Variants in DVL1 observed in about 807,000 individuals in gnomAD.
The protein encoded by DVL1 is dishevelled segment polarity protein 1, also known as segment polarity protein dishevelled homolog DVL-1.
A neutral mutation model predicts 65.0 loss-of-function variants in DVL1; 49 were observed. That is an observed-to-expected ratio of 0.75 (90% CI 0.60 to 0.96). The LOEUF is 0.96. Among genes scored for constraint, DVL1 ranks in the 40% least tolerant of loss-of-function variants. The probability of loss-of-function intolerance (pLI) is 0.00; values close to 1 mark genes in which losing one functional copy is unlikely to be tolerated. For missense variants in DVL1, 1,197 were observed against 1,045.4 expected (o/e 1.15, Z -2.00); for synonymous variants, 608 against 433.9 (o/e 1.40, Z -4.99).
In DVL1 at chr1:1,340,515, C is replaced by G. The variant is rs368317428; in HGVS notation, c.606-12G>C. 6.3e-7 allele frequency: 1 copy of G among 1,590,890 alleles called. No individual in the cohort carries two copies. Among genetic ancestry groups the G allele is most frequent in the African/African-American group, 1.3e-5 (1 of 74,816 alleles). Reference sequence around the variant, plus strand: ...TGGAGCTGCTGAGCCTGGGAACAGACTGTCAGAGCTCAGAGGAGCTGGAGA... The same window carrying G: ...TGGAGCTGCTGAGCCTGGGAACAGAGTGTCAGAGCTCAGAGGAGCTGGAGA... On this transcript the variant is annotated splice_polypyrimidine_tract_variant and intron_variant, in intron 5 of 14. Transcript: ENST00000378888.
In DVL1 at chr1:1,336,499, C is replaced by G; in HGVS notation, c.1731G>C (p.Gly577=). 1 of 1,523,788 alleles carries G rather than the reference C, an allele frequency of 6.6e-7. No homozygotes were observed. The highest frequency in any genetic ancestry group is 8.7e-7 in the Non-Finnish European group (1 of 1,145,070). The allele number at this position is 1,523,788 out of a possible 1,614,324, so 94.4% of individuals were successfully genotyped here. ...SQQSEGSKSS[G]STRSSRRAPG... ...GGGCCCGGCGGCTGCTCCGGGTGGA[C>G]CCACTGCTTTTGCTCCCTGGGAGTG... Residue 577 remains glycine (G), a synonymous_variant, in exon 15 of 15, where the codon GGG becomes GGC. Coordinates refer to ENST00000378888, the MANE Select transcript of DVL1 (RefSeq NM_001330311.2).
chr1:1,340,492 G>A lies in DVL1; in HGVS notation c.617C>T (p.Ser206Phe). ...EDGSTSRLSS[S>F]TEQSTSSRLI... is the part of the protein sequence containing the mutation. ...TCTGGATGAGGTGCTCTGCTCCGTGGAGCTGCTGAGCCTGGGAACAGACTG... is the reference window on the plus strand; with the variant it reads ...TCTGGATGAGGTGCTCTGCTCCGTGAAGCTGCTGAGCCTGGGAACAGACTG... Residue 206 changes from serine to phenylalanine, a missense_variant, in exon 6 of 15, where the codon TCC (serine) becomes TTC (phenylalanine). By Grantham distance (155) the Ser-to-Phe change is radical. Transcript: ENST00000378888. 6.2e-7 allele frequency: 1 copy of A among 1,605,036 alleles called. No individual in the cohort carries two copies. Among genetic ancestry groups the A allele is most frequent in the Non-Finnish European group, 8.5e-7 (1 of 1,176,164 alleles).
chr1:1,338,007 T>A lies in DVL1; in HGVS notation c.1684A>T (p.Ser562Cys), dbSNP rs2100714698. The change falls in exon 14 of 15, where the codon AGC (serine) becomes TGC (cysteine). Residue 562 changes from serine (S) to cysteine (C), a missense_variant. By Grantham distance (112) the Ser-to-Cys change is moderately radical. Coordinates refer to ENST00000378888, the MANE Select transcript of DVL1 (RefSeq NM_001330311.2). ...CTCTGCTGACTCCCGGTGCTGCCGC[T>A]GCCATAGCTAAAGCCCGGGTCCTGG... is the stretch of plus-strand genomic sequence containing the variant. The part of the protein sequence containing the change: ...AYQDPGFSYG[S>C]GSTGSQQSEG... 6.2e-7 allele frequency: 1 copy of A among 1,611,874 alleles called. No homozygotes were observed. Among genetic ancestry groups the A allele is most frequent in the Non-Finnish European group, 8.5e-7 (1 of 1,179,754 alleles).
At chr1:1,345,712 G>A (rs1042334054) in intron 1 of DVL1, among the ~76,000 whole-genome samples, 1 of 152,198 alleles carries the variant, frequency 6.6e-6, no homozygotes, top group African/African-American at 2.4e-5. Flanking sequence ...ACTCCCAGAG[G>A]CCACAGCCAG....
rs141682898 is a variant in DVL1 at position 1,341,687 on chromosome 1, G to A, written c.585C>T (p.Asp195=). ...ELESSSFVDS[D]EDGSTSRLSS... is the part of the protein sequence containing the mutation. ...CACACCTGCTCGTGCTGCCATCCTCGTCCGAGTCCACAAAGCTGCTGGACT... is the reference window on the plus strand; with the variant it reads ...CACACCTGCTCGTGCTGCCATCCTCATCCGAGTCCACAAAGCTGCTGGACT... Residue 195 remains aspartate, a synonymous_variant, in exon 5 of 15, where the codon GAC becomes GAT. Transcript: ENST00000378888. 2.5e-4 allele frequency: 404 copies of A among 1,608,772 alleles called. 2 individuals carry two copies. Among genetic ancestry groups the A allele is most frequent in the Middle Eastern group, 2.3e-3 (14 of 6,046 alleles).
rs753296052 is a variant in DVL1, at chr1:1,340,394, C to G, written c.699+16G>C. 8 of 1,612,134 alleles carry G rather than the reference C, an allele frequency of 5.0e-6. No homozygotes were observed. Among genetic ancestry groups the G allele is most frequent in the Middle Eastern group, 1.7e-4 (1 of 6,054 alleles). On this transcript the variant is annotated intron_variant, in intron 6 of 14. Transcript: ENST00000378888. ...TTCGCCTCCCCAGCCCCGCCCTGCT[C>G]CACCCGGCTGCCTACCCGGTCCGCC... is the stretch of plus-strand genomic sequence containing the variant.
rs1397094998 is a variant in DVL1, at chr1:1,342,768, T to C, written c.171-10A>G. 3 of 1,612,602 alleles carry C rather than the reference T, an allele frequency of 1.9e-6. No individual in the cohort carries two copies. The Admixed American group carries it at 5.0e-5, about 27-fold the overall frequency. On this transcript the variant is annotated splice_polypyrimidine_tract_variant and intron_variant, in intron 1 of 14. Transcript: ENST00000378888. ...CTCCTCCTTCACCACCCTGTGGGCA[T>C]ATGCTGCCGTGAGGCCCCACCTGGG...
chr1:1,348,985 G>A lies in DVL1; in HGVS notation c.81C>T (p.Arg27=). Residue 27 remains arginine (R), a synonymous_variant, in exon 1 of 15, where the codon CGC becomes CGT. Transcript: ENST00000378888. ...CGTTCTTGAAGTCGGCCAGCGTGAC[G>A]CGCTCGGGGGCCACGGGCAGCTTGA... The part of the protein sequence containing the change: ...YLVKLPVAPE[R]VTLADFKNVL... 1 of 1,577,974 alleles carries A rather than the reference G, an allele frequency of 6.3e-7. No homozygotes were observed. Among genetic ancestry groups the A allele is most frequent in the Non-Finnish European group, 8.6e-7 (1 of 1,159,788 alleles).
chr1:1,349,032 C>T lies in DVL1; in HGVS notation c.34G>A (p.Glu12Lys), dbSNP rs1441825655. Residue 12 changes from glutamate (E) to lysine (K), a missense_variant, in exon 1 of 15, where the codon GAG (glutamate) becomes AAG (lysine). Transcript: ENST00000378888. The surrounding 1 kb of genome is among the most constrained non-coding windows in gnomAD (Gnocchi z 4.1). ...AETKIIYHMD[E>K]EETPYLVKLP... The stretch of plus-strand genomic sequence containing the variant: ...TTGACCAGGTACGGCGTCTCCTCCT[C>T]GTCCATGTGGTAGATAATCTTGGTC... The T allele has an allele frequency of 2.6e-6, 4 of 1,560,250 alleles. No individual in the cohort carries two copies. The highest frequency in any genetic ancestry group is 2.2e-5 in the South Asian group (2 of 89,182).
Position 1,336,060 on chromosome 1 carries a change from C to T in DVL1, c.*82G>A, listed in dbSNP as rs927087062. ...ACCCTGCCTCCCGTCCTGGCCCCCA[C>T]GAAGGCAAGCCCACGCGAGCTCTGC... On this transcript the variant is annotated 3_prime_UTR_variant, in exon 15 of 15. Transcript: ENST00000378888. The T allele has an allele frequency of 1.6e-5, 24 of 1,509,632 alleles. No individual in the cohort carries two copies. Among genetic ancestry groups the T allele is most frequent in the Middle Eastern group, 1.7e-4 (1 of 5,892 alleles). 93.5% of individuals were successfully genotyped at this position (1,509,632 alleles called of 1,614,324 possible). A position where few individuals can be genotyped will look rare whatever the true frequency, so the allele number is the denominator to read the frequency against.
chr1:1,339,804 G>A lies in DVL1; in HGVS notation c.918C>T (p.Asp306=), dbSNP rs763160532. ...EPGDMLLQVN[D]VNFENMSNDD... is the part of the protein sequence containing the mutation. Reference sequence around the variant, plus strand: ...CATTGCTCATGTTCTCAAAGTTCACGTCATTCACCTGCAGGGGTGGGGATT... The same window carrying A: ...CATTGCTCATGTTCTCAAAGTTCACATCATTCACCTGCAGGGGTGGGGATT... The change falls in exon 9 of 15, where the codon GAC becomes GAT. Residue 306 remains aspartate (D), a synonymous_variant. Coordinates refer to ENST00000378888, the MANE Select transcript of DVL1 (RefSeq NM_001330311.2). The A allele has an allele frequency of 2.1e-5, 34 of 1,610,002 alleles. No individual in the cohort carries two copies. In the East Asian group the frequency reaches 2.9e-4, roughly 14 times the overall value.
rs575933500 is a variant in DVL1, at chr1:1,340,563, C to T, written c.606-60G>A. ...AGACATGGGTAGGGGGGTGGGAACC[C>T]GCTCCCCCAATACTGAGTGGGAATC... On this transcript the variant is annotated intron_variant, in intron 5 of 14. Transcript: ENST00000378888. 34 of 1,528,210 alleles carry T rather than the reference C, an allele frequency of 2.2e-5. No homozygotes were observed. The Admixed American group carries it at 4.5e-4, about 20-fold the overall frequency. The allele number at this position is 1,528,210 out of a possible 1,614,324, so 94.7% of individuals were successfully genotyped here. A position where few individuals can be genotyped will look rare whatever the true frequency, so the allele number is the denominator to read the frequency against.
intron 1 of DVL1, among the ~76,000 whole-genome samples, chr1:1,346,036 G>A (rs1332181356): frequency 6.6e-6 from 1 of 152,168 alleles, no homozygotes; most frequent in African/African-American, 2.4e-5. Flanking sequence ...GAGTGCAGTA[G>A]GTGAACTGCC....
chr1:1,338,763 T>C, intron 11 of DVL1, 110 bp from the exon 12 acceptor site: 1 of 1,467,618 alleles, frequency 6.8e-7, no homozygotes, highest in Non-Finnish European at 9.0e-7. Flanking sequence ...GGGCGCAAGC[T>C]GGACGGTGCG....
intron 1 of DVL1, among the ~76,000 whole-genome samples, chr1:1,347,003 CAG>C (rs955034902): frequency 8.5e-5 from 13 of 152,188 alleles, no homozygotes; most frequent in Non-Finnish European, 1.5e-4. Context: ...GGGTAGAACT[CAG>C]GGGAAGGGAT....
Position 1,339,831 on chromosome 1 carries a change from G to A in DVL1, c.910-19C>T, listed in dbSNP as rs1643723953. On this transcript the variant is annotated intron_variant, in intron 8 of 14. Transcript: ENST00000378888. ...CATTCACCTGCAGGGGTGGGGATTA[G>A]GGTGGTGCAGGCAGGATGTGCAGCT... is the stretch of plus-strand genomic sequence containing the variant. The A allele has an allele frequency of 1.3e-6, 2 of 1,593,908 alleles. No individual in the cohort carries two copies. Among genetic ancestry groups the A allele is most frequent in the African/African-American group, 1.4e-5 (1 of 72,136 alleles).
At chr1:1,345,014 C>T (rs1374121439) in intron 1 of DVL1, among the ~76,000 whole-genome samples, 3 of 150,824 alleles carry the variant, frequency 2.0e-5, no homozygotes, top group Non-Finnish European at 4.4e-5. Flanking sequence ...GAGACTCGGC[C>T]ACCCAGCACC....
chr1:1,345,965 C>T (rs307357), intron 1 of DVL1, among the ~76,000 whole-genome samples: 132,791 of 152,140 alleles, frequency 0.87, 58,366 homozygotes, highest in Non-Finnish European at 0.94. Context: ...TGGGATCTCT[C>T]TGTGCCCCTC....
At position 1,338,071 on chromosome 1, in the gene DVL1, G is replaced by GT. The variant is rs1557663976; in HGVS notation, c.1619dup (p.Tyr540Ter). The change falls in exon 14 of 15, where the codon TAC (tyrosine) becomes TAAC (stop). Residue 540 changes from tyrosine to a stop codon, truncating the protein, a stop_gained and frameshift_variant. Transcript: ENST00000378888. LOFTEE classifies it high-confidence loss of function. ...APWPLGQGYP[Y>*]QYPGPPPCFP... ...AGCAGGGTGGGGGTCCCGGGTACTG[G>GT]TAGGGGTAGCCCTGACCCAGAGGCC... is the stretch of plus-strand genomic sequence containing the variant. 1 of 1,610,958 alleles carries GT rather than the reference G, an allele frequency of 6.2e-7. No homozygotes were observed.
Sources: allele counts gnomAD v4.1 joint callset (sites outside exome capture counted in the v4.1 genomes callset), GRCh38; gene constraint gnomAD v4.1.1; non-coding constraint Gnocchi (gnomAD v3.1); transcripts MANE v1.5; gene names NCBI Gene and HGNC (gene_info 2026-07-23, HGNC 2026-07-21).